The following GSAP variants were observed in gnomAD, a reference collection of about 807,000 sequenced individuals.
The protein encoded by GSAP is gamma-secretase activating protein, also known as gamma-secretase-activating protein.
Under a neutral mutation model 131.7 loss-of-function variants are expected in GSAP, and 118 were observed. That is an observed-to-expected ratio of 0.90 (90% CI 0.77 to 1.04). GSAP has a LOEUF of 1.04. Among genes scored for constraint, GSAP ranks in the 50% least tolerant of loss-of-function variants. The pLI is 0.00. For missense variants in GSAP, 1,019 were observed against 1,013.2 expected (o/e 1.01, Z -0.08); for synonymous variants, 381 against 363.4 (o/e 1.05, Z -0.55).
At chr7:77,354,609 G>C (rs920799809) in intron 16 of GSAP, among the ~76,000 whole-genome samples, 1 of 151,922 alleles carries the variant, frequency 6.6e-6, no homozygotes, top group Non-Finnish European at 1.5e-5. Context: ...ACAAAGAAAG[G>C]CTTGAGTCAA....
chr7:77,377,600 GTATAA>G (rs1797144727), intron 8 of GSAP, among the ~76,000 whole-genome samples: 1 of 151,972 alleles, frequency 6.6e-6, no homozygotes, highest in Admixed American at 6.6e-5. Flanking sequence ...TTCTTCCCAC[GTATAA>G]TATATGATTT....
In GSAP at chr7:77,374,919, T is replaced by G. The variant is rs76914140; in HGVS notation, c.785+139A>C. ...TTGATAAAGTTGTTTATATTTGCTA[T>G]GGAGAATGGGAATACAAAAAAAGAT... On this transcript the variant is annotated intron_variant, in intron 11 of 30. Transcript: ENST00000257626. The G allele has an allele frequency of 3.6e-3, 1,813 of 504,260 alleles. 37 individuals carry two copies. Among genetic ancestry groups the G allele is most frequent in the African/African-American group, 0.034 (1,686 of 49,898 alleles). The allele number at this position is 504,260 out of a possible 1,614,324, so 31.2% of individuals were successfully genotyped here.
At chr7:77,323,516 G>T in intron 24 of GSAP, 131 bp downstream of exon 24, 1 of 544,200 alleles carries the variant, frequency 1.8e-6, no homozygotes. Context: ...ACCAAATACT[G>T]ATTTAAGAAC....
intron 12 of GSAP, among the ~76,000 whole-genome samples, chr7:77,370,287 G>A (rs1320176754): frequency 2.6e-5 from 4 of 151,988 alleles, no homozygotes; most frequent in Non-Finnish European, 4.4e-5. Context: ...GCGAAACCCC[G>A]TCTCCACTAA....
At chr7:77,354,108 T>C (rs943551595) in intron 16 of GSAP, among the ~76,000 whole-genome samples, 2 of 152,130 alleles carry the variant, frequency 1.3e-5, no homozygotes, top group South Asian at 2.1e-4. Flanking sequence ...GGATAATCCC[T>C]GCTATACCAT....
intron 19 of GSAP, among the ~76,000 whole-genome samples, chr7:77,335,823 C>T (rs1210722467): frequency 2.0e-5 from 3 of 152,238 alleles, no homozygotes; most frequent in African/African-American, 7.2e-5. Flanking sequence ...TCAACTAGCA[C>T]AGCTAAAGCA....
chr7:77,386,294 C>A (rs538540929), intron 6 of GSAP, among the ~76,000 whole-genome samples: 1 of 152,148 alleles, frequency 6.6e-6, no homozygotes, highest in Non-Finnish European at 1.5e-5. Context: ...TAATAACATA[C>A]ACAGTTTTGA....
chr7:77,323,548 T>G (rs1787932583), intron 24 of GSAP, 99 bp downstream of exon 24: 4 of 574,384 alleles, frequency 7.0e-6, no homozygotes, highest in Non-Finnish European at 1.2e-5. Flanking sequence ...AAAAATCTAA[T>G]TTGAAAAACA....
In GSAP at chr7:77,387,404, T is replaced by G. The variant is rs992850914; in HGVS notation, c.412A>C (p.Asn138His). Residue 138 changes from asparagine (N) to histidine (H), a missense_variant, in exon 6 of 31, where the codon AAT becomes CAT. By Grantham distance (68) the Asn-to-His change is moderately conservative. Transcript: ENST00000257626. The stretch of plus-strand genomic sequence containing the variant: ...TCCACAGCCTTTAGAACCTTCACAT[T>G]GTTAACAGGGTGGATTTCAACCAAC... The part of the protein sequence containing the change: ...TLLVEIHPVN[N>H]VKVLKAVDSY... 1 of 1,606,090 alleles carries G rather than the reference T, an allele frequency of 6.2e-7. No individual in the cohort carries two copies. The highest frequency in any genetic ancestry group is 1.7e-5 in the Admixed American group (1 of 59,970).
chr7:77,370,328 A>T (rs539355238), intron 12 of GSAP, among the ~76,000 whole-genome samples: 1 of 152,072 alleles, frequency 6.6e-6, no homozygotes, highest in Non-Finnish European at 1.5e-5. Flanking sequence ...AGGCATGGTG[A>T]TGTGTGCCTG....
At chr7:77,377,502 T>C in intron 8 of GSAP, 112 bp from the exon 9 acceptor site, 1 of 1,263,612 alleles carries the variant, frequency 7.9e-7, no homozygotes, top group Non-Finnish European at 1.0e-6. Context: ...CATGTAAATA[T>C]TTCCACAGTT....
At chr7:77,327,688 A>G (rs1252188691) in intron 22 of GSAP, among the ~76,000 whole-genome samples, 2 of 152,222 alleles carry the variant, frequency 1.3e-5, no homozygotes, top group Non-Finnish European at 2.9e-5. Flanking sequence ...TCTTCTGGCA[A>G]CTACAAATAA....
intron 19 of GSAP, chr7:77,331,867 T>C (rs1789205322): frequency 6.7e-6 from 1 of 148,854 alleles, no homozygotes; most frequent in South Asian, 2.1e-4. Flanking sequence ...TTATCCACCC[T>C]TTGGGTCTTC....
intron 6 of GSAP, 44 bp downstream of exon 6, chr7:77,387,316 C>T (rs778398195): frequency 1.0e-6 from 1 of 955,656 alleles, no homozygotes; most frequent in Non-Finnish European, 1.7e-6. Flanking sequence ...AGGCTGCATG[C>T]CTTTTGATTA....
intron 23 of GSAP, among the ~76,000 whole-genome samples, chr7:77,324,118 CTATATATAG>C (rs1468557836): frequency 6.6e-6 from 1 of 152,120 alleles, no homozygotes; most frequent in Non-Finnish European, 1.5e-5. Context: ...AGGAACAACT[CTATATATAG>C]AATGACTGAG....
intron 10 of GSAP, among the ~76,000 whole-genome samples, chr7:77,375,935 ATC>A (rs1796789084): frequency 6.6e-6 from 1 of 151,784 alleles, no homozygotes; most frequent in Non-Finnish European, 1.5e-5. Context: ...ATTTTTTTTA[ATC>A]TTTTTTTAAA....
chr7:77,336,530 G>A (rs1001165161), intron 19 of GSAP, among the ~76,000 whole-genome samples: 2 of 151,916 alleles, frequency 1.3e-5, no homozygotes, highest in Non-Finnish European at 2.9e-5. Context: ...CTGTCGCCCA[G>A]GCTGGAGTGC....
chr7:77,407,949 T>C (rs2151197926), intron 1 of GSAP, among the ~76,000 whole-genome samples: 1 of 152,306 alleles, frequency 6.6e-6, no homozygotes, highest in East Asian at 1.9e-4. Context: ...CAATAACACA[T>C]GTGAAACTGA....
At chr7:77,410,751 T>A (rs1400707568) in intron 1 of GSAP, among the ~76,000 whole-genome samples, 9 of 152,184 alleles carry the variant, frequency 5.9e-5, no homozygotes, top group Non-Finnish European at 2.9e-5. Flanking sequence ...CCCAAACTGC[T>A]ATGAGACAAA....
Sources: allele counts gnomAD v4.1 joint callset (sites outside exome capture counted in the v4.1 genomes callset), GRCh38; gene constraint gnomAD v4.1.1; transcripts MANE v1.5; gene names NCBI Gene and HGNC (gene_info 2026-07-23, HGNC 2026-07-21).